LPCAT2: variants seen among roughly 807,000 people sequenced by gnomAD.
LPCAT2 encodes lysophosphatidylcholine acyltransferase 2, also known as 1-AGP acyltransferase 11.
In LPCAT2, 58 loss-of-function variants were observed where a neutral mutation model predicts 64.7. That is an observed-to-expected ratio of 0.90 (90% CI 0.73 to 1.12). The LOEUF (loss-of-function observed/expected upper bound fraction) is 1.12, where lower values mean the gene tolerates loss of function less well. LPCAT2 is among the 50% of genes most tolerant of loss of function. The pLI, the probability that LPCAT2 is intolerant of heterozygous loss-of-function variation, is 0.00. For synonymous variants in LPCAT2, 252 were observed against 245.3 expected, an observed-to-expected ratio of 1.03 and a Z score of -0.26; for missense variants, 579 against 669.8, an observed-to-expected ratio of 0.86 and a Z score of 1.50.
intron 4 of LPCAT2, 131 bp downstream of exon 4, chr16:55,530,078 T>C: frequency 1.7e-6 from 1 of 573,846 alleles, no homozygotes; most frequent in South Asian, 2.5e-5. Flanking sequence ...GCATAATAGA[T>C]GCAGAGTAAA....
At chr16:55,566,708 T>G in intron 11 of LPCAT2, 1 of 1,546,110 alleles carries the variant, frequency 6.5e-7, no homozygotes, top group Non-Finnish European at 8.7e-7. Flanking sequence ...TCATCTTTTT[T>G]CATACCATCT....
Position 55,574,656 on chromosome 16 carries a change from G to A in LPCAT2, c.1241G>A (p.Arg414Gln), listed in dbSNP as rs745375602. The A allele has an allele frequency of 9.9e-6, 16 of 1,613,398 alleles. No individual in the cohort carries two copies. In the Middle Eastern group the frequency reaches 5.0e-4, roughly 50 times the overall value. Residue 414 changes from arginine (R) to glutamine (Q), a missense_variant, in exon 12 of 14, where the codon CGA becomes CAA. By Grantham distance (43) the Arg-to-Gln change is conservative. Coordinates refer to ENST00000262134, the MANE Select transcript of LPCAT2 (RefSeq NM_017839.5). ...DRNHDGSIDF[R>Q]EYVIGLAVLC... ...AACCATGATGGCAGCATTGACTTCC[G>A]AGAGTATGTGATTGGCCTGGCTGTC...
At chr16:55,510,235 T>C (rs546383594) in intron 1 of LPCAT2, among the ~76,000 whole-genome samples, 1 of 152,224 alleles carries the variant, frequency 6.6e-6, no homozygotes, top group South Asian at 2.1e-4. Flanking sequence ...GTTTCCTAAG[T>C]TGAAGCATGA....
intron 1 of LPCAT2, among the ~76,000 whole-genome samples, chr16:55,521,806 TA>T (rs540165406): frequency 6.6e-6 from 1 of 151,574 alleles, no homozygotes; most frequent in Non-Finnish European, 1.5e-5. Context: ...CCACTAGTGA[TA>T]AAAAAAGTTT....
chr16:55,514,305 C>T (rs1234134318), intron 1 of LPCAT2, among the ~76,000 whole-genome samples: 2 of 152,052 alleles, frequency 1.3e-5, no homozygotes, highest in African/African-American at 4.8e-5. Context: ...TCTGACTAAC[C>T]TTGAGGGACT....
At chr16:55,532,740 A>G (rs2142383279) in intron 5 of LPCAT2, 84 bp from the exon 6 acceptor site, 3 of 866,798 alleles carry the variant, frequency 3.5e-6, no homozygotes, top group South Asian at 1.5e-5. Context: ...TATTCAGTCT[A>G]TTTATACTAT....
chr16:55,557,637 C>T (rs1331756253), intron 11 of LPCAT2, among the ~76,000 whole-genome samples: 1 of 152,140 alleles, frequency 6.6e-6, no homozygotes, highest in African/African-American at 2.4e-5. Context: ...TCCCATAAGC[C>T]CTTCCCATGT....
chr16:55,567,424 T>C (rs1963716867), intron 11 of LPCAT2: 2 of 1,613,850 alleles, frequency 1.2e-6, no homozygotes, highest in Non-Finnish European at 1.7e-6. Context: ...TTTCGTGCCT[T>C]CAAGTCTCTG....
chr16:55,535,758 T>G (rs1963315387), intron 7 of LPCAT2, among the ~76,000 whole-genome samples: 1 of 152,178 alleles, frequency 6.6e-6, no homozygotes, highest in Admixed American at 6.6e-5. Flanking sequence ...GTGCCATCCT[T>G]TGGGCCTTTA....
rs1339414976 is a variant in LPCAT2 at position 55,543,837 on chromosome 16, A to G, written c.853-1898A>G. On this transcript the variant is annotated intron_variant, in intron 8 of 13. Coordinates refer to ENST00000262134, the MANE Select transcript of LPCAT2 (RefSeq NM_017839.5). ...TGACTTTTCCAGGATCACACGGCAG[A>G]TCTCAAGCAGCAACCCAGTCCAAGA... Among the ~76,000 whole-genome samples the G allele has an allele frequency of 5.9e-5, 9 of 152,342 alleles. No individual in the cohort carries two copies. In the East Asian group the frequency reaches 1.2e-3, roughly 20 times the overall value.
chr16:55,509,171 C>A lies in LPCAT2; in HGVS notation c.-11C>A. On this transcript the variant is annotated 5_prime_UTR_variant, in exon 1 of 14. Coordinates refer to ENST00000262134, the MANE Select transcript of LPCAT2 (RefSeq NM_017839.5). ...AGATCGCTTCGGCCGGGTTCTACGCCCGGCTCAACTATGAGCCGGTGCGCC... is the reference window on the plus strand; with the variant it reads ...AGATCGCTTCGGCCGGGTTCTACGCACGGCTCAACTATGAGCCGGTGCGCC... The A allele has an allele frequency of 7.5e-7, 1 of 1,341,264 alleles. No individual in the cohort carries two copies. The highest frequency in any genetic ancestry group is 9.6e-7 in the Non-Finnish European group (1 of 1,041,614). 83.1% of individuals were successfully genotyped at this position (1,341,264 alleles called of 1,614,324 possible).
intron 11 of LPCAT2, among the ~76,000 whole-genome samples, chr16:55,559,522 T>G (rs1193077977): frequency 1.3e-5 from 2 of 152,188 alleles, no homozygotes; most frequent in African/African-American, 4.8e-5. Context: ...CCCCTTCCTG[T>G]TACAGAATGT....
At chr16:55,512,345 G>A (rs1219443514) in intron 1 of LPCAT2, among the ~76,000 whole-genome samples, 1 of 152,122 alleles carries the variant, frequency 6.6e-6, no homozygotes, top group Non-Finnish European at 1.5e-5. Flanking sequence ...AAAACTACAC[G>A]AAGGCACTAT....
In LPCAT2 at chr16:55,532,073, G is replaced by A. The variant is rs1270436417; in HGVS notation, c.703+99G>A. 7.5e-6 allele frequency: 6 copies of A among 797,478 alleles called. No homozygotes were observed. The South Asian group carries it at 7.6e-5, about 10-fold the overall frequency. 49.4% of individuals were successfully genotyped at this position (797,478 alleles called of 1,614,324 possible). A position where few individuals can be genotyped will look rare whatever the true frequency, so the allele number is the denominator to read the frequency against. On this transcript the variant is annotated intron_variant, in intron 5 of 13. Transcript: ENST00000262134. ...AAAATAACTCTTTAGCTTGCTCTGA[G>A]CATTTTTTTCTTTTCTGATAGCAAC...
chr16:55,553,579 A>G (rs1041118334), intron 11 of LPCAT2, among the ~76,000 whole-genome samples: 6 of 152,192 alleles, frequency 3.9e-5, no homozygotes, highest in African/African-American at 1.4e-4. Context: ...TACTTGCTCC[A>G]CTGAGGTCTT....
intron 11 of LPCAT2, among the ~76,000 whole-genome samples, chr16:55,559,170 T>TA: frequency 6.6e-6 from 1 of 152,194 alleles, no homozygotes; most frequent in Non-Finnish European, 1.5e-5. Context: ...GATTATTCCT[T>TA]AGTAAAATTT....
intron 11 of LPCAT2, among the ~76,000 whole-genome samples, chr16:55,555,694 T>C (rs542427521): frequency 1.2e-4 from 18 of 152,346 alleles, no homozygotes; most frequent in African/African-American, 4.3e-4. Context: ...GGACTTCTCT[T>C]CTGGGCTTGC....
At chr16:55,562,431 C>T (rs1049454974) in intron 11 of LPCAT2, among the ~76,000 whole-genome samples, 1 of 151,914 alleles carries the variant, frequency 6.6e-6, no homozygotes, top group South Asian at 2.1e-4. Flanking sequence ...GGACAGTGTA[C>T]TAGCTGCGTG....
rs751942696 is a variant in LPCAT2 at position 55,579,180 on chromosome 16, A to C, written c.1386A>C (p.Gly462=). 6.2e-7 allele frequency: 1 copy of C among 1,613,480 alleles called. No individual in the cohort carries two copies. The highest frequency in any genetic ancestry group is 1.1e-5 in the South Asian group (1 of 91,058). The change falls in exon 13 of 14, where the codon GGA becomes GGC. Residue 462 remains glycine (G), a synonymous_variant. Coordinates refer to ENST00000262134, the MANE Select transcript of LPCAT2 (RefSeq NM_017839.5). ...CCACCATTCTACAGGCTTCCCTTGGAGTGCCTGACCTTGATGTTTCTGGTC... is the reference window on the plus strand; with the variant it reads ...CCACCATTCTACAGGCTTCCCTTGGCGTGCCTGACCTTGATGTTTCTGGTC... ...EFSTILQASL[G]VPDLDVSGLF...
Sources: gnomAD v4.1 joint callset for allele counts (sites outside exome capture counted in the v4.1 genomes callset) on GRCh38, gnomAD v4.1.1 for gene constraint, MANE v1.5 for transcripts, NCBI Gene and HGNC (gene_info 2026-07-23, HGNC 2026-07-21) for gene names.